Variants in RAB11FIP4 observed in about 807,000 individuals in gnomAD.
The protein encoded by RAB11FIP4 is RAB11 family interacting protein 4, also known as rab11 family-interacting protein 4.
In RAB11FIP4, 23 loss-of-function variants were observed where a neutral mutation model predicts 74.3. That is an observed-to-expected ratio of 0.31 (90% CI 0.22 to 0.44). The LOEUF is 0.44. Ranked by LOEUF, RAB11FIP4 falls within the 20% of genes least tolerant of loss-of-function variation. RAB11FIP4 has a pLI of 1.00. For synonymous variants in RAB11FIP4, 360 were observed against 359.9 expected, an observed-to-expected ratio of 1.00 and a Z score of 0.00; for missense variants, 630 against 863.9, an observed-to-expected ratio of 0.73 and a Z score of 3.39.
rs572987588 is a variant in RAB11FIP4 at position 31,405,216 on chromosome 17, C to T, written c.159+13205C>T. 2.0e-5 allele frequency among the ~76,000 whole-genome samples: 3 copies of T among 152,182 alleles called. No individual in the cohort carries two copies. In the South Asian group the frequency reaches 6.2e-4, roughly 32 times the overall value. ...GGAGGGTCAGAGGGAGGCTCCCAGG[C>T]GGTCTGGAGGCGTTCACATGGGTCC... On this transcript the variant is annotated intron_variant, in intron 1 of 14. Coordinates refer to ENST00000621161, the MANE Select transcript of RAB11FIP4 (RefSeq NM_032932.6).
At chr17:31,527,237 T>C (rs2072781949) in intron 10 of RAB11FIP4, 1 of 152,252 alleles carries the variant, frequency 6.6e-6, no homozygotes. Flanking sequence ...CCCCGTGTTG[T>C]CTGAGGATCT....
chr17:31,499,175 A>G (rs2072171979), intron 3 of RAB11FIP4, among the ~76,000 whole-genome samples: 1 of 152,128 alleles, frequency 6.6e-6, no homozygotes, highest in Non-Finnish European at 1.5e-5. Context: ...CATTTGGGAA[A>G]TCTTTTCTGA....
rs893835051 is a variant in RAB11FIP4 at position 31,472,775 on chromosome 17, G to A, written c.336+38653G>A. ...AGGCCAGGCATGGTGGTTCATGCCC[G>A]TAATCCCAGTACTTTGGGAGGCTGA... On this transcript the variant is annotated intron_variant, in intron 3 of 14. Transcript: ENST00000621161. Among the ~76,000 whole-genome samples the A allele has an allele frequency of 4.6e-5, 7 of 151,950 alleles. 1 individual carries two copies. In the South Asian group the frequency reaches 1.0e-3, roughly 23 times the overall value.
At chr17:31,531,407 G>A (rs2072869723) in intron 14 of RAB11FIP4, among the ~76,000 whole-genome samples, 1 of 152,182 alleles carries the variant, frequency 6.6e-6, no homozygotes, top group African/African-American at 2.4e-5. Context: ...GTGGGGCCTG[G>A]GCACCTGCAT....
intron 3 of RAB11FIP4, among the ~76,000 whole-genome samples, chr17:31,444,349 A>C (rs866629161): frequency 4.6e-4 from 68 of 146,914 alleles, no homozygotes; most frequent in African/African-American, 8.7e-4. Context: ...ATGTTTCAAC[A>C]CCCCCCCCAC....
chr17:31,429,234 A>C (rs1795816356), intron 1 of RAB11FIP4, among the ~76,000 whole-genome samples: 1 of 152,212 alleles, frequency 6.6e-6, no homozygotes, highest in South Asian at 2.1e-4. Context: ...TGTAGAGAGA[A>C]GATATAAATT....
At chr17:31,450,545 A>C (rs1335819154) in intron 3 of RAB11FIP4, among the ~76,000 whole-genome samples, 1 of 151,724 alleles carries the variant, frequency 6.6e-6, no homozygotes. Flanking sequence ...GGGTTTCACC[A>C]TGTTGCCCAG....
intron 10 of RAB11FIP4, 36 bp downstream of exon 10, chr17:31,525,266 A>AC: frequency 2.0e-6 from 3 of 1,523,226 alleles, no homozygotes; most frequent in Non-Finnish European, 2.6e-6. Flanking sequence ...CCTCAGAGGG[A>AC]CCCCCTGTCC....
chr17:31,498,542 C>A (rs2142765150), intron 3 of RAB11FIP4, among the ~76,000 whole-genome samples: 1 of 152,340 alleles, frequency 6.6e-6, no homozygotes, highest in Middle Eastern at 3.4e-3. Context: ...GACCTGCCTG[C>A]TCCAGAAGGG....
intron 3 of RAB11FIP4, among the ~76,000 whole-genome samples, chr17:31,496,280 C>T (rs904965695): frequency 6.6e-6 from 1 of 152,174 alleles, no homozygotes; most frequent in East Asian, 1.9e-4. Context: ...CAAAGTAGAG[C>T]GACCTCTCTG....
intron 3 of RAB11FIP4, among the ~76,000 whole-genome samples, chr17:31,471,680 G>C (rs2071738501): frequency 6.6e-6 from 1 of 152,112 alleles, no homozygotes; most frequent in African/African-American, 2.4e-5. Flanking sequence ...GGGACAGTCT[G>C]GGTGTGCACA....
chr17:31,400,636 A>G (rs2070976193), intron 1 of RAB11FIP4, among the ~76,000 whole-genome samples: 1 of 152,146 alleles, frequency 6.6e-6, no homozygotes, highest in Non-Finnish European at 1.5e-5. Context: ...AGCAGAGGAG[A>G]AGCCGTGGAG....
chr17:31,489,059 C>A (rs757483102), intron 3 of RAB11FIP4, among the ~76,000 whole-genome samples: 1 of 152,198 alleles, frequency 6.6e-6, no homozygotes, highest in Non-Finnish European at 1.5e-5. Flanking sequence ...ACACCTCACT[C>A]GCCCCGAGGG....
intron 1 of RAB11FIP4, among the ~76,000 whole-genome samples, chr17:31,407,040 ATTTTTTTTTTTT>A (rs59919036): frequency 1.2e-4 from 6 of 51,216 alleles, no homozygotes; most frequent in South Asian, 9.6e-4. Context: ...GTTTCACTTG[ATTTTTTTTTTTT>A]TTTTTTTTTT....
At chr17:31,522,819 G>C (rs768340897) in intron 7 of RAB11FIP4, 1 of 192,116 alleles carries the variant, frequency 5.2e-6, no homozygotes, top group African/African-American at 2.3e-5. Context: ...TAAGTCCTGC[G>C]GCAGTTCAGT....
chr17:31,477,851 T>C (rs1343275948), intron 3 of RAB11FIP4, among the ~76,000 whole-genome samples: 1 of 152,158 alleles, frequency 6.6e-6, no homozygotes, highest in Non-Finnish European at 1.5e-5. Flanking sequence ...GAGTAACCTC[T>C]CTGAGCCTCA....
At chr17:31,506,383 T>A (rs2343242) in intron 3 of RAB11FIP4, among the ~76,000 whole-genome samples, 29,648 of 152,100 alleles carry the variant, frequency 0.19, 3,217 homozygotes, top group Middle Eastern at 0.26. Context: ...ACTTGTCATT[T>A]CTTTGTGGTG....
chr17:31,509,517 G>C (rs1013218005), intron 3 of RAB11FIP4: 1 of 152,438 alleles, frequency 6.6e-6, no homozygotes, highest in African/African-American at 2.4e-5. Context: ...GCCCCCGGCT[G>C]GGAGAAGAGA....
At chr17:31,447,338 C>T (rs2071477201) in intron 3 of RAB11FIP4, among the ~76,000 whole-genome samples, 5 of 151,912 alleles carry the variant, frequency 3.3e-5, no homozygotes, top group Admixed American at 2.6e-4. Context: ...GTGGCAAGCA[C>T]CTGTGTGTCC....
Sources: gnomAD v4.1 joint callset for allele counts (sites outside exome capture counted in the v4.1 genomes callset) on GRCh38, gnomAD v4.1.1 for gene constraint, MANE v1.5 for transcripts, NCBI Gene and HGNC (gene_info 2026-07-23, HGNC 2026-07-21) for gene names.